RNF150: variants seen among roughly 807,000 people sequenced by gnomAD.
RNF150 encodes ring finger protein 150.
RNF150 carries 24 observed loss-of-function variants against 39.3 expected under a neutral mutation model. The observed-to-expected ratio is 0.61, with a 90% CI of 0.44 to 0.86. The LOEUF (loss-of-function observed/expected upper bound fraction) is 0.86, where lower values mean the gene tolerates loss of function less well. RNF150 is among the 40% of genes least tolerant of loss of function. RNF150 has a pLI of 0.00. For synonymous variants in RNF150, 255 were observed against 227.3 expected (o/e 1.12, Z -1.10); for missense variants, 502 against 587.8 (o/e 0.85, Z 1.51).
intron 1 of RNF150, among the ~76,000 whole-genome samples, chr4:141,157,449 G>A (rs1727434199): frequency 6.6e-6 from 1 of 152,162 alleles, no homozygotes. Context: ...GAACCTCAGA[G>A]CAAAACTAGG....
intron 1 of RNF150, among the ~76,000 whole-genome samples, chr4:141,191,603 G>A (rs968047167): frequency 9.9e-5 from 15 of 152,166 alleles, no homozygotes; most frequent in Non-Finnish European, 1.9e-4. Context: ...GAGATGGTGT[G>A]CTTGGATATA....
intron 1 of RNF150, among the ~76,000 whole-genome samples, chr4:141,004,645 A>C (rs1734799330): frequency 6.6e-6 from 1 of 152,176 alleles, no homozygotes; most frequent in South Asian, 2.1e-4. Context: ...TTGTGTCATC[A>C]ATTCTATATC....
chr4:140,926,161 A>G, intron 4 of RNF150, 88 bp from the exon 5 acceptor site: 2 of 914,576 alleles, frequency 2.2e-6, no homozygotes, highest in Non-Finnish European at 3.5e-6. Flanking sequence ...CAAGGTCACA[A>G]AATTACTCAG....
intron 1 of RNF150, among the ~76,000 whole-genome samples, chr4:141,018,576 C>G (rs1387755182): frequency 2.0e-5 from 3 of 152,092 alleles, no homozygotes; most frequent in East Asian, 3.9e-4. Flanking sequence ...GTCTTATAGG[C>G]CTTGCCTGTG....
At chr4:140,982,280 C>A (rs1733884509) in intron 1 of RNF150, among the ~76,000 whole-genome samples, 1 of 152,214 alleles carries the variant, frequency 6.6e-6, no homozygotes, top group African/African-American at 2.4e-5. Context: ...TCATCATCAT[C>A]ACTGAACAGA....
At chr4:140,928,440 GAGA>G (rs1057010859) in intron 4 of RNF150, among the ~76,000 whole-genome samples, 10 of 152,066 alleles carry the variant, frequency 6.6e-5, no homozygotes, top group African/African-American at 2.2e-4. Context: ...GGGGAGCAAG[GAGA>G]AGGGGGTGTC....
intron 2 of RNF150, among the ~76,000 whole-genome samples, chr4:140,964,120 A>T (rs1430522263): frequency 6.6e-6 from 1 of 152,164 alleles, no homozygotes; most frequent in Admixed American, 6.6e-5. Context: ...ATTTGAAAGC[A>T]GTAAGTTATC....
At chr4:141,197,196 T>G (rs1728214959) in intron 1 of RNF150, among the ~76,000 whole-genome samples, 1 of 152,218 alleles carries the variant, frequency 6.6e-6, no homozygotes, top group South Asian at 2.1e-4. Context: ...AATTCAGAAT[T>G]ACAATTCAAT....
rs115754205 is a variant in RNF150, at chr4:141,154,422, G to A, written c.-6+58372C>T. On this transcript the variant is annotated intron_variant, in intron 1 of 7. Coordinates refer to the RNF150 transcript ENST00000420921. ...TGTGGCACAATGCTATTAAGTTAGA[G>A]GGGCTGTTAGGCAAGCACTTCTCAC... 6.7e-3 allele frequency among the ~76,000 whole-genome samples: 1,015 copies of A among 152,288 alleles called. 11 individuals carry two copies. Among genetic ancestry groups the A allele is most frequent in the African/African-American group, 0.024 (978 of 41,552 alleles).
At chr4:141,083,252 T>G (rs745849972) in intron 1 of RNF150, among the ~76,000 whole-genome samples, 12 of 152,212 alleles carry the variant, frequency 7.9e-5, no homozygotes, top group Non-Finnish European at 1.6e-4. Context: ...TCTTTTGCAT[T>G]TGTATAACTA....
intron 1 of RNF150, among the ~76,000 whole-genome samples, chr4:141,144,510 A>G (rs1727170125): frequency 6.6e-6 from 1 of 151,936 alleles, no homozygotes; most frequent in African/African-American, 2.4e-5. Context: ...CGTGAATTCT[A>G]TGCAGGAGAA....
chr4:141,061,194 G>A (rs1035496473), intron 1 of RNF150, among the ~76,000 whole-genome samples: 15 of 151,942 alleles, frequency 9.9e-5, no homozygotes, highest in African/African-American at 3.6e-4. Flanking sequence ...AAAATGCTTT[G>A]TATCATCTCT....
intron 5 of RNF150, among the ~76,000 whole-genome samples, chr4:140,911,811 A>G: frequency 6.6e-6 from 1 of 152,190 alleles, no homozygotes; most frequent in East Asian, 1.9e-4. Flanking sequence ...GAGGGAGGAT[A>G]GAATCTGAGT....
intron 1 of RNF150, among the ~76,000 whole-genome samples, chr4:141,041,622 G>A (rs1327472767): frequency 2.0e-5 from 3 of 151,970 alleles, no homozygotes. Flanking sequence ...TCTTCTATGG[G>A]CTGTTTTGCC....
chr4:140,897,800 A>G (rs1411540920), intron 6 of RNF150, among the ~76,000 whole-genome samples: 3 of 152,144 alleles, frequency 2.0e-5, no homozygotes, highest in Non-Finnish European at 2.9e-5. Context: ...GGATTATTGC[A>G]TTACATTTAA....
chr4:141,188,989 G>A lies in RNF150; in HGVS notation c.-6+23805C>T, dbSNP rs190686837. Among the ~76,000 whole-genome samples the A allele has an allele frequency of 1.8e-3, 276 of 152,308 alleles. 2 individuals carry two copies. The highest frequency in any genetic ancestry group is 6.8e-3 in the Middle Eastern group (2 of 294). ...ATTTTTGGAATTTTCAGCATTTTTTGTGCTGGTTCTTCCTCATCTTCGTGG... is the reference window on the plus strand; with the variant it reads ...ATTTTTGGAATTTTCAGCATTTTTTATGCTGGTTCTTCCTCATCTTCGTGG... On this transcript the variant is annotated intron_variant, in intron 1 of 7. Transcript: ENST00000420921.
At chr4:141,082,002 G>C (rs964080289) in intron 1 of RNF150, among the ~76,000 whole-genome samples, 2 of 152,112 alleles carry the variant, frequency 1.3e-5, no homozygotes, top group East Asian at 1.9e-4. Flanking sequence ...GTATAATTAC[G>C]TGTTTGTATC....
At chr4:141,146,265 A>T (rs915639328) in intron 1 of RNF150, among the ~76,000 whole-genome samples, 1 of 152,202 alleles carries the variant, frequency 6.6e-6, no homozygotes, top group Non-Finnish European at 1.5e-5. Flanking sequence ...CTGTTTTCCT[A>T]GGGAGGAAAA....
chr4:141,112,147 T>C (rs1344647818), intron 1 of RNF150, among the ~76,000 whole-genome samples: 1 of 152,192 alleles, frequency 6.6e-6, no homozygotes, highest in Non-Finnish European at 1.5e-5. Context: ...AATATACAGA[T>C]GAGGACTATA....
Sources: allele counts gnomAD v4.1 joint callset (sites outside exome capture counted in the v4.1 genomes callset), GRCh38; gene constraint gnomAD v4.1.1; transcripts MANE v1.5; gene names NCBI Gene and HGNC (gene_info 2026-07-23, HGNC 2026-07-21).